The following LYST variants were observed in gnomAD, a reference collection of about 807,000 sequenced individuals.
The protein encoded by LYST is lysosomal-trafficking regulator.
A neutral mutation model predicts 413.6 loss-of-function variants in LYST; 192 were observed. That is an observed-to-expected ratio of 0.46 (90% confidence interval 0.41 to 0.52). LYST has a LOEUF of 0.52. Among genes scored for constraint, LYST ranks in the 20% least tolerant of loss-of-function variants. LYST has a pLI of 0.00. For missense variants in LYST, 3,815 were observed against 4,499.9 expected (o/e 0.85, Z 4.35); for synonymous variants, 1,525 against 1,567.3 (o/e 0.97, Z 0.64).
In LYST at chr1:235,661,648, G is replaced by A. The variant is rs1658054472; in HGVS notation, c.*1292C>T. The A allele has an allele frequency of 6.6e-6, 1 of 152,642 alleles. No individual in the cohort carries two copies. Among genetic ancestry groups the A allele is most frequent in the South Asian group, 2.1e-4 (1 of 4,830 alleles). 9.5% of individuals were successfully genotyped at this position (152,642 alleles called of 1,614,324 possible). A position where few individuals can be genotyped will look rare whatever the true frequency, so the allele number is the denominator to read the frequency against. ...TTTAGAAAGTCTGGAAGTTACAAAA[G>A]TAGTACTGTAAACACCATATGAATT... On this transcript the variant is annotated 3_prime_UTR_variant, in exon 53 of 53. Coordinates refer to ENST00000389793, the MANE Select transcript of LYST (RefSeq NM_000081.4).
chr1:235,794,021 C>T (rs973238218), intron 10 of LYST, among the ~76,000 whole-genome samples: 8 of 151,824 alleles, frequency 5.3e-5, no homozygotes, highest in Admixed American at 2.6e-4. Context: ...TTAGAAGAGA[C>T]GGGGTTTCAC....
chr1:235,800,360 C>T lies in LYST; in HGVS notation c.3966G>A (p.Gly1322=). The T allele has an allele frequency of 6.3e-7, 1 of 1,595,398 alleles. No individual in the cohort carries two copies. The highest frequency in any genetic ancestry group is 8.6e-7 in the Non-Finnish European group (1 of 1,163,326). ...QQGTVKNLLG[G]FLSILTQDDS... ...CATCCTGTGTTAAAATACTCAAGAACCCTCCTAAAAGATTTTTCACAGTTC... is the reference window on the plus strand; with the variant it reads ...CATCCTGTGTTAAAATACTCAAGAATCCTCCTAAAAGATTTTTCACAGTTC... The change falls in exon 10 of 53, where the codon GGG becomes GGA. Residue 1322 remains glycine, a synonymous_variant. Transcript: ENST00000389793.
At chr1:235,882,443 TG>T (rs1213242399) in intron 1 of LYST, among the ~76,000 whole-genome samples, 1 of 152,184 alleles carries the variant, frequency 6.6e-6, no homozygotes, top group Non-Finnish European at 1.5e-5. Flanking sequence ...TCCATTAAGC[TG>T]GATATATGCC....
chr1:235,790,802 AAAG>A (rs1474841251), intron 12 of LYST, among the ~76,000 whole-genome samples: 1 of 151,910 alleles, frequency 6.6e-6, no homozygotes, highest in Non-Finnish European at 1.5e-5. Context: ...TTCTTCAGTT[AAAG>A]AAGGAACTGG....
Position 235,662,694 on chromosome 1 carries a change from G to A in LYST, c.*246C>T, listed in dbSNP as rs544322513. ...AGAATATCATTTTAATGTACCATGC[G>A]AGGCTTAAAACTTGTTGGCTAGTGC... On this transcript the variant is annotated 3_prime_UTR_variant, in exon 53 of 53. Coordinates refer to ENST00000389793, the MANE Select transcript of LYST (RefSeq NM_000081.4). The A allele has an allele frequency of 3.2e-5, 17 of 537,734 alleles. No individual in the cohort carries two copies. The highest frequency in any genetic ancestry group is 6.8e-5 in the East Asian group (2 of 29,500). 33.3% of individuals were successfully genotyped at this position (537,734 alleles called of 1,614,324 possible). A position where few individuals can be genotyped will look rare whatever the true frequency, so the allele number is the denominator to read the frequency against.
rs140486308 is a variant in LYST, at chr1:235,715,409, G to A, written c.9628-52C>T. ...TTCATGATTGTGGGCTCCAGGCAACGCTAGAAAAGTGCTGGATGTTTTTTT... is the reference window on the plus strand; with the variant it reads ...TTCATGATTGTGGGCTCCAGGCAACACTAGAAAAGTGCTGGATGTTTTTTT... On this transcript the variant is annotated intron_variant, in intron 41 of 52. Coordinates refer to ENST00000389793, the MANE Select transcript of LYST (RefSeq NM_000081.4). The A allele has an allele frequency of 9.1e-5, 142 of 1,567,356 alleles. 1 individual carries two copies. In the African/African-American group the frequency reaches 1.4e-3, roughly 15 times the overall value.
intron 10 of LYST, among the ~76,000 whole-genome samples, chr1:235,798,929 A>T (rs957060544): frequency 6.6e-6 from 1 of 152,184 alleles, no homozygotes; most frequent in Admixed American, 6.5e-5. Context: ...TCATGGTTGC[A>T]CAGCTCTGTA....
At chr1:235,696,577 A>G (rs1165105244) in intron 46 of LYST, among the ~76,000 whole-genome samples, 2 of 152,240 alleles carry the variant, frequency 1.3e-5, no homozygotes, top group African/African-American at 4.8e-5. Context: ...ATTTAGAAAC[A>G]TGAAGAGGCC....
At chr1:235,804,428 GCGTCCTAGTGTCAT>G in intron 7 of LYST, 62 bp downstream of exon 7, 1 of 1,125,444 alleles carries the variant, frequency 8.9e-7, no homozygotes, top group Non-Finnish European at 1.4e-6. Flanking sequence ...ACATTCATCA[GCGTCCTAGTGTCAT>G]CCCACACTTC....
chr1:235,874,346 T>C (rs1219237550), intron 1 of LYST, among the ~76,000 whole-genome samples: 1 of 152,214 alleles, frequency 6.6e-6, no homozygotes, highest in Admixed American at 6.5e-5. Flanking sequence ...ACATTCTGGG[T>C]CTGCTTGGAC....
chr1:235,863,641 A>C (rs1680163344), intron 1 of LYST, among the ~76,000 whole-genome samples: 1 of 152,098 alleles, frequency 6.6e-6, no homozygotes, highest in Non-Finnish European at 1.5e-5. Context: ...AATCAAACAA[A>C]AATAAAACTA....
Position 235,686,246 on chromosome 1 carries a change from G to A in LYST, c.10800+703C>T, listed in dbSNP as rs1192485974. Reference sequence around the variant, plus strand: ...GCCGGGCGTGGTGGCACATGCCTGTGGTCCCAGCTACTCGAGAGGCTGAGG... The same window carrying A: ...GCCGGGCGTGGTGGCACATGCCTGTAGTCCCAGCTACTCGAGAGGCTGAGG... On this transcript the variant is annotated intron_variant, in intron 48 of 52. Coordinates refer to ENST00000389793, the MANE Select transcript of LYST (RefSeq NM_000081.4). The surrounding 1 kb of genome is among the most constrained non-coding windows in gnomAD (Gnocchi z 4.0). 6.6e-6 allele frequency among the ~76,000 whole-genome samples: 1 copy of A among 151,888 alleles called. No homozygotes were observed. The highest frequency in any genetic ancestry group is 6.6e-5 in the Admixed American group (1 of 15,258).
intron 50 of LYST, among the ~76,000 whole-genome samples, chr1:235,669,318 C>CCCTCCACTTCCT (rs1337047152): frequency 1.3e-5 from 2 of 152,222 alleles, no homozygotes; most frequent in African/African-American, 2.4e-5. Flanking sequence ...GAACCTAAGA[C>CCCTCCACTTCCT]AGTTTCACAC....
chr1:235,694,600 T>C (rs1357986325), intron 46 of LYST, among the ~76,000 whole-genome samples: 1 of 152,106 alleles, frequency 6.6e-6, no homozygotes, highest in Non-Finnish European at 1.5e-5. Flanking sequence ...ATAGTGAAAA[T>C]AGGCAATTCA....
intron 46 of LYST, among the ~76,000 whole-genome samples, chr1:235,695,629 A>ATTTTTTTTTTTTTTTTTTTTTTTTTTTT (rs148101450): frequency 8.6e-6 from 1 of 116,418 alleles, no homozygotes; most frequent in African/African-American, 3.4e-5. Flanking sequence ...CAGTACTCTA[A>ATTTTTTTTTTTTTTTTTTTTTTTTTTTT]TTTTTTTTTT....
chr1:235,817,559 T>C (rs1402579960), intron 3 of LYST, among the ~76,000 whole-genome samples: 1 of 152,196 alleles, frequency 6.6e-6, no homozygotes, highest in Admixed American at 6.5e-5. Context: ...ATCATGTCCT[T>C]TGTAGCAATA....
chr1:235,777,256 T>C lies in LYST; in HGVS notation c.5267A>G (p.Tyr1756Cys), dbSNP rs746203566. The C allele has an allele frequency of 5.6e-6, 9 of 1,612,604 alleles. No individual in the cohort carries two copies. Among genetic ancestry groups the C allele is most frequent in the South Asian group, 2.2e-5 (2 of 91,068 alleles). ...ACCTTTAAGTCTAATCACTGGTTCATAGATGGTATACTGAGCAGGACAGTA... is the reference window on the plus strand; with the variant it reads ...ACCTTTAAGTCTAATCACTGGTTCACAGATGGTATACTGAGCAGGACAGTA... ...TTYCPAQYTIYEPVIRLKGQM... is the reference protein window; with the variant it reads ...TTYCPAQYTICEPVIRLKGQM... Residue 1756 changes from tyrosine (Y) to cysteine (C), a missense_variant, in exon 17 of 53, where the codon TAT becomes TGT. Tyr to Cys is a radical substitution (Grantham distance 194). Around this residue, in one of 4 missense-constraint regions of LYST, gnomAD observed 530 missense variants for 696.5 expected, o/e 0.76. Coordinates refer to ENST00000389793, the MANE Select transcript of LYST (RefSeq NM_000081.4).
Position 235,730,924 on chromosome 1 carries a change from G to C in LYST, c.8967C>G (p.Leu2989=), listed in dbSNP as rs375038258. The C allele has an allele frequency of 6.2e-7, 1 of 1,613,166 alleles. No individual in the cohort carries two copies. Among genetic ancestry groups the C allele is most frequent in the Admixed American group, 1.7e-5 (1 of 60,010 alleles). The change falls in exon 36 of 53, where the codon CTC becomes CTG. Residue 2989 remains leucine (L), a synonymous_variant. Transcript: ENST00000389793. ...QKSEDVVKPP[L]SYLFEDKTHS... ...GAGTTTTGTCTTCAAACAGGTAAGA[G>C]AGTGGTGGTTTGACAACATCTGTTG...
Position 235,661,925 on chromosome 1 carries a change from G to T in LYST, c.*1015C>A, listed in dbSNP as rs1236542271. On this transcript the variant is annotated 3_prime_UTR_variant, in exon 53 of 53. Transcript: ENST00000389793. Reference sequence around the variant, plus strand: ...ATTATTCTTCCTAGAATTCTCAGATGGTATAGGTTAGTAGAAACAGAATGA... The same window carrying T: ...ATTATTCTTCCTAGAATTCTCAGATTGTATAGGTTAGTAGAAACAGAATGA... 2.0e-5 allele frequency: 3 copies of T among 152,280 alleles called. No individual in the cohort carries two copies. The highest frequency in any genetic ancestry group is 4.8e-5 in the African/African-American group (2 of 41,424). 9.4% of individuals were successfully genotyped at this position (152,280 alleles called of 1,614,324 possible). A position where few individuals can be genotyped will look rare whatever the true frequency, so the allele number is the denominator to read the frequency against.
Sources: gnomAD v4.1 joint callset for allele counts (sites outside exome capture counted in the v4.1 genomes callset) on GRCh38, gnomAD v4.1.1 for gene constraint, gnomAD v4.1.1 regional missense constraint, Gnocchi (gnomAD v3.1) non-coding constraint, MANE v1.5 for transcripts, NCBI Gene and HGNC (gene_info 2026-07-23, HGNC 2026-07-21) for gene names.